AREL1: variants seen among roughly 807,000 people sequenced by gnomAD.
The protein encoded by AREL1 is apoptosis resistant E3 ubiquitin protein ligase 1.
AREL1 carries 62 observed loss-of-function variants against 99.0 expected under a neutral mutation model. The observed-to-expected ratio is 0.63, with a 90% confidence interval of 0.51 to 0.77. The LOEUF (loss-of-function observed/expected upper bound fraction) is 0.77. Ranked by LOEUF, AREL1 falls within the 30% of genes least tolerant of loss-of-function variation. The pLI is 0.00. For synonymous variants in AREL1, 380 were observed against 376.5 expected (o/e 1.01, Z -0.11); for missense variants, 879 against 1,027.6 (o/e 0.86, Z 1.98).
intron 11 of AREL1, among the ~76,000 whole-genome samples, 184 bp downstream of exon 11, chr14:74,672,647 G>A (rs1428166053): frequency 6.6e-6 from 1 of 152,138 alleles, no homozygotes; most frequent in Admixed American, 6.5e-5. Flanking sequence ...TGAGTTGGGA[G>A]GATCACAGCC....
Position 74,662,757 on chromosome 14 carries a change from C to G in AREL1, c.*963G>C. The G allele has an allele frequency of 2.5e-6, 1 of 396,740 alleles. No individual in the cohort carries two copies. Among genetic ancestry groups the G allele is most frequent in the Non-Finnish European group, 4.4e-6 (1 of 225,230 alleles). 24.6% of individuals were successfully genotyped at this position (396,740 alleles called of 1,614,324 possible). A position where few individuals can be genotyped will look rare whatever the true frequency, so the allele number is the denominator to read the frequency against. On this transcript the variant is annotated 3_prime_UTR_variant, in exon 20 of 20. Transcript: ENST00000356357. The stretch of plus-strand genomic sequence containing the variant: ...AGAGAACACCAAGCAGAGAGAGAAT[C>G]AGGGATTGCTGGCATACTATTCTTA...
intron 6 of AREL1, 77 bp downstream of exon 6, chr14:74,676,506 A>G: frequency 6.7e-7 from 1 of 1,502,622 alleles, no homozygotes; most frequent in Non-Finnish European, 9.0e-7. Flanking sequence ...GAGAGATCGA[A>G]GTGAATTAGG....
chr14:74,695,295 G>T (rs1316267721), intron 1 of AREL1, among the ~76,000 whole-genome samples: 1 of 151,856 alleles, frequency 6.6e-6, no homozygotes, highest in Non-Finnish European at 1.5e-5. Context: ...GGCCAGGCTG[G>T]TCTTGAACTC....
intron 11 of AREL1, 116 bp downstream of exon 11, chr14:74,672,710 GGGCAA>G: frequency 7.2e-7 from 1 of 1,383,826 alleles, no homozygotes; most frequent in Non-Finnish European, 9.9e-7. Context: ...ACCCCAGCCT[GGGCAA>G]TAGAGTGAGA....
At chr14:74,705,664 T>C (rs1232915107) in intron 1 of AREL1, among the ~76,000 whole-genome samples, 2 of 152,138 alleles carry the variant, frequency 1.3e-5, no homozygotes, top group East Asian at 3.9e-4. Flanking sequence ...TGTCCTATAA[T>C]CACTCACTGG....
Position 74,661,438 on chromosome 14 carries a change from G to A in AREL1, c.*2282C>T, listed in dbSNP as rs1034022667. On this transcript the variant is annotated 3_prime_UTR_variant, in exon 20 of 20. Transcript: ENST00000356357. ...TGGTCTCCTTCAAAGACGCTAAAAGGCCAGAAGGGTAGCTGGCCCCCCAAG... is the reference window on the plus strand; with the variant it reads ...TGGTCTCCTTCAAAGACGCTAAAAGACCAGAAGGGTAGCTGGCCCCCCAAG... 1 of 376,596 alleles carries A rather than the reference G, an allele frequency of 2.7e-6. No individual in the cohort carries two copies. Among genetic ancestry groups the A allele is most frequent in the Non-Finnish European group, 5.3e-6 (1 of 187,560 alleles). 23.3% of individuals were successfully genotyped at this position (376,596 alleles called of 1,614,324 possible).
chr14:74,679,833 A>C (rs910601790), intron 5 of AREL1, among the ~76,000 whole-genome samples: 1 of 146,098 alleles, frequency 6.8e-6, no homozygotes. Context: ...ATCTCAAAAA[A>C]AAGAAAATAA....
chr14:74,679,037 C>T (rs975555031), intron 5 of AREL1, among the ~76,000 whole-genome samples: 20 of 152,170 alleles, frequency 1.3e-4, no homozygotes, highest in African/African-American at 4.6e-4. Context: ...GTAGCTGGGA[C>T]TAAAGGTGCA....
intron 1 of AREL1, among the ~76,000 whole-genome samples, chr14:74,708,302 T>G (rs2090222341): frequency 6.6e-6 from 1 of 152,212 alleles, no homozygotes. Context: ...AGAATTCTAA[T>G]CATGTCTCCC....
At chr14:74,670,897 A>T in intron 12 of AREL1, 26 bp from the exon 13 acceptor site, 1 of 1,598,260 alleles carries the variant, frequency 6.3e-7, no homozygotes, top group South Asian at 1.1e-5. Context: ...AAAATAAAAA[A>T]TGACTCTGCC....
At chr14:74,711,219 G>A (rs867035983) in intron 1 of AREL1, among the ~76,000 whole-genome samples, 5 of 109,660 alleles carry the variant, frequency 4.6e-5, no homozygotes, top group East Asian at 2.9e-4. Context: ...TAACAAGAGC[G>A]AAACTAACTC....
In AREL1 at chr14:74,712,204, T is replaced by A. The variant is rs137992972; in HGVS notation, c.-334+729A>T. On this transcript the variant is annotated intron_variant, in intron 1 of 19. Transcript: ENST00000356357. The stretch of plus-strand genomic sequence containing the variant: ...CCCATATGTAAAATAAAAGAATTTA[T>A]GTTATTGAGAAGGTCAAAGAAGGTA... Among the ~76,000 whole-genome samples the A allele has an allele frequency of 4.8e-3, 732 of 152,116 alleles. 2 individuals are homozygous for A. Among genetic ancestry groups the A allele is most frequent in the Non-Finnish European group, 7.7e-3 (526 of 68,000 alleles).
chr14:74,667,065 T>A (rs1017509903), intron 17 of AREL1, among the ~76,000 whole-genome samples: 12 of 152,210 alleles, frequency 7.9e-5, no homozygotes, highest in Admixed American at 7.9e-4. Context: ...TTACTCTTCA[T>A]AAATAATGAG....
chr14:74,697,900 C>T (rs1006937205), intron 1 of AREL1, among the ~76,000 whole-genome samples: 15 of 152,262 alleles, frequency 9.9e-5, no homozygotes, highest in African/African-American at 3.4e-4. Flanking sequence ...CAGATTTGGA[C>T]ACTGGGGCAT....
At chr14:74,672,327 T>C (rs768621485) in intron 11 of AREL1, among the ~76,000 whole-genome samples, 1 of 152,236 alleles carries the variant, frequency 6.6e-6, no homozygotes, top group Non-Finnish European at 1.5e-5. Flanking sequence ...AACAGACATA[T>C]GTAAAGAGAG....
chr14:74,665,054 G>A, intron 17 of AREL1, 129 bp from the exon 18 acceptor site: 1 of 647,914 alleles, frequency 1.5e-6, no homozygotes, highest in Non-Finnish European at 2.6e-6. Context: ...AGAAGGTGAG[G>A]TCATAATGCC....
Position 74,673,174 on chromosome 14 carries a change from C to A in AREL1, c.1203G>T (p.Leu401=), listed in dbSNP as rs1251388790. ...GAGGTTGAATGCCATCATCCACCAC[C>A]AGTGTGAGCAGCTTATGGACAGGGT... ...GPDPVHKLLT[L]VVDDGIQPPV... The change falls in exon 10 of 20, where the codon CTG becomes CTT. Residue 401 remains leucine, a synonymous_variant. Transcript: ENST00000356357. 6.2e-7 allele frequency: 1 copy of A among 1,614,124 alleles called. No homozygotes were observed. The highest frequency in any genetic ancestry group is 8.5e-7 in the Non-Finnish European group (1 of 1,180,034).
chr14:74,705,040 G>A (rs1377997801), intron 1 of AREL1, among the ~76,000 whole-genome samples: 1 of 147,404 alleles, frequency 6.8e-6, no homozygotes, highest in African/African-American at 2.5e-5. Flanking sequence ...ACAGTCTTCT[G>A]TTGTTTTTTT....
At position 74,676,682 on chromosome 14, in the gene AREL1, C is replaced by T. The variant is rs756841770; in HGVS notation, c.552G>A (p.Pro184=). 2.0e-5 allele frequency: 32 copies of T among 1,613,798 alleles called. 1 individual carries two copies. Among genetic ancestry groups the T allele is most frequent in the Middle Eastern group, 1.6e-4 (1 of 6,082 alleles). ...FSTLVLTCGQ[P]HTLQIVPRDE... The stretch of plus-strand genomic sequence containing the variant: ...CTCGGGGTACTATTTGAAGGGTGTG[C>T]GGCTGCCCACAGGTCAATACAAGAG... Residue 184 remains proline (P), a synonymous_variant, in exon 6 of 20, where the codon CCG becomes CCA. Coordinates refer to ENST00000356357, the MANE Select transcript of AREL1 (RefSeq NM_001039479.2).
Sources: gnomAD v4.1 joint callset for allele counts (sites outside exome capture counted in the v4.1 genomes callset) on GRCh38, gnomAD v4.1.1 for gene constraint, MANE v1.5 for transcripts, NCBI Gene and HGNC (gene_info 2026-07-23, HGNC 2026-07-21) for gene names.